Variants in DLEU7 observed in about 807,000 individuals in gnomAD.
DLEU7 encodes deleted in lymphocytic leukemia 7.
DLEU7 carries 17 observed loss-of-function variants against 16.0 expected under a neutral mutation model. That is an observed-to-expected ratio of 1.06 (90% CI 0.73 to 1.59). DLEU7 has a LOEUF of 1.59. Among genes scored for constraint, DLEU7 ranks in the 40% most tolerant of loss-of-function variants. DLEU7 has a pLI of 0.00. For synonymous variants in DLEU7, 113 were observed against 139.8 expected (o/e 0.81, Z 1.35); for missense variants, 308 against 314.9 (o/e 0.98, Z 0.17).
At chr13:50,805,420 T>C (rs1876360287) in intron 1 of DLEU7, among the ~76,000 whole-genome samples, 2 of 152,310 alleles carry the variant, frequency 1.3e-5, no homozygotes, top group East Asian at 3.9e-4. Context: ...TGTTAGTTTT[T>C]TAATGTGTAA....
intron 1 of DLEU7, among the ~76,000 whole-genome samples, chr13:50,738,513 C>T (rs1403308288): frequency 6.6e-6 from 1 of 152,078 alleles, no homozygotes; most frequent in Admixed American, 6.6e-5. Context: ...GGTAGGCCCT[C>T]CTACTGCTTT....
intron 1 of DLEU7, among the ~76,000 whole-genome samples, chr13:50,781,956 A>G (rs1051075537): frequency 4.6e-5 from 7 of 152,176 alleles, no homozygotes; most frequent in Non-Finnish European, 2.9e-5. Flanking sequence ...AATATCTTTG[A>G]ACATTTAGTA....
intron 1 of DLEU7, among the ~76,000 whole-genome samples, chr13:50,837,922 G>A (rs1159532401): frequency 4.6e-5 from 7 of 152,154 alleles, no homozygotes; most frequent in South Asian, 2.1e-4. Flanking sequence ...GGAAGGATGC[G>A]AACTCATGGG....
At chr13:50,738,543 T>C (rs1476116526) in intron 1 of DLEU7, among the ~76,000 whole-genome samples, 1 of 152,104 alleles carries the variant, frequency 6.6e-6, no homozygotes, top group Non-Finnish European at 1.5e-5. Context: ...ATTAGTGTCA[T>C]GGAATTGGAA....
chr13:50,750,666 C>A (rs1054243340), intron 1 of DLEU7, among the ~76,000 whole-genome samples: 1 of 151,904 alleles, frequency 6.6e-6, no homozygotes, highest in African/African-American at 2.4e-5. Flanking sequence ...TAGGTATATT[C>A]CTATGTTTTT....
At chr13:50,713,350 G>A in intron 1 of DLEU7, 2 of 1,339,242 alleles carry the variant, frequency 1.5e-6, no homozygotes, top group Non-Finnish European at 2.1e-6. Flanking sequence ...ATGGCATTAG[G>A]TACTGGAGAT....
intron 1 of DLEU7, among the ~76,000 whole-genome samples, chr13:50,716,970 A>G (rs968307156): frequency 1.3e-5 from 2 of 152,212 alleles, no homozygotes; most frequent in African/African-American, 2.4e-5. Flanking sequence ...ATATATACAC[A>G]TGACGCATTT....
chr13:50,788,838 G>A (rs1264991553), intron 1 of DLEU7, among the ~76,000 whole-genome samples: 1 of 152,082 alleles, frequency 6.6e-6, no homozygotes, highest in African/African-American at 2.4e-5. Flanking sequence ...CATCCTCACG[G>A]ACACCCTTTC....
At chr13:50,766,650 C>T (rs1875120386) in intron 1 of DLEU7, among the ~76,000 whole-genome samples, 1 of 152,154 alleles carries the variant, frequency 6.6e-6, no homozygotes, top group Admixed American at 6.5e-5. Flanking sequence ...GGAGTCCCTA[C>T]ATTCCCTAGG....
chr13:50,768,746 C>T (rs187869217), intron 1 of DLEU7, among the ~76,000 whole-genome samples: 8 of 152,272 alleles, frequency 5.3e-5, no homozygotes, highest in African/African-American at 1.7e-4. Context: ...AATAAACATA[C>T]GTGTGCATGT....
chr13:50,729,961 A>G (rs940047097), intron 1 of DLEU7, among the ~76,000 whole-genome samples: 4 of 152,206 alleles, frequency 2.6e-5, no homozygotes, highest in African/African-American at 9.7e-5. Context: ...CAGATAACAT[A>G]AACAGTTCAA....
intron 1 of DLEU7, among the ~76,000 whole-genome samples, chr13:50,763,915 C>G (rs1875021554): frequency 6.6e-6 from 1 of 152,206 alleles, no homozygotes; most frequent in African/African-American, 2.4e-5. Flanking sequence ...TGTGAAAACA[C>G]CTGATAAATG....
rs1221431657 is a variant in DLEU7, at chr13:50,717,200, C to T, written c.460-3960G>A. On this transcript the variant is annotated intron_variant, in intron 1 of 1. Coordinates refer to the DLEU7 transcript ENST00000400393. ...AGTGGTAGAGCCCTTTGCCTTGAGG[C>T]CATCATATGACTATCCACTCCCAGT... Among the ~76,000 whole-genome samples the T allele has an allele frequency of 2.0e-5, 3 of 152,102 alleles. No individual in the cohort carries two copies. The East Asian group carries it at 5.8e-4, about 29-fold the overall frequency.
intron 1 of DLEU7, among the ~76,000 whole-genome samples, chr13:50,838,412 A>G (rs1479711972): frequency 6.6e-6 from 1 of 152,260 alleles, no homozygotes; most frequent in Non-Finnish European, 1.5e-5. Flanking sequence ...TCAAATGAAG[A>G]TAGACAAAAC....
At chr13:50,748,228 C>CTTTTTTTTTTTTTTTTTT (rs71085044) in intron 1 of DLEU7, among the ~76,000 whole-genome samples, 2 of 89,218 alleles carry the variant, frequency 2.2e-5, no homozygotes, top group South Asian at 4.7e-4. Context: ...ACTCCTTAAA[C>CTTTTTTTTTTTTTTTTTT]TTTTTTTTTT....
At chr13:50,778,891 T>G (rs1363029673) in intron 1 of DLEU7, among the ~76,000 whole-genome samples, 2 of 152,252 alleles carry the variant, frequency 1.3e-5, no homozygotes, top group African/African-American at 2.4e-5. Flanking sequence ...ATGTTAAGCT[T>G]CAAAATGTAG....
At chr13:50,834,195 T>C (rs1877373681) in intron 1 of DLEU7, among the ~76,000 whole-genome samples, 1 of 151,470 alleles carries the variant, frequency 6.6e-6, no homozygotes, top group African/African-American at 2.4e-5. Context: ...ATAAATAGGA[T>C]CTAATTAAAC....
chr13:50,755,747 T>G (rs1874736668), intron 1 of DLEU7, among the ~76,000 whole-genome samples: 1 of 119,346 alleles, frequency 8.4e-6, no homozygotes, highest in Non-Finnish European at 1.8e-5. Flanking sequence ...AATGTGATTT[T>G]TTTTTGAGGG....
chr13:50,785,562 A>G (rs971711839), intron 1 of DLEU7, among the ~76,000 whole-genome samples: 3 of 152,176 alleles, frequency 2.0e-5, no homozygotes, highest in African/African-American at 7.2e-5. Flanking sequence ...ACTTAAGGCA[A>G]CTTGGCCAAC....
Sources: gnomAD v4.1 joint callset for allele counts (sites outside exome capture counted in the v4.1 genomes callset) on GRCh38, gnomAD v4.1.1 for gene constraint, MANE v1.5 for transcripts, NCBI Gene and HGNC (gene_info 2026-07-23, HGNC 2026-07-21) for gene names.